The following DCC variants were observed in gnomAD, a reference collection of about 807,000 sequenced individuals.
DCC encodes netrin receptor DCC.
A neutral mutation model predicts 172.5 loss-of-function variants in DCC; 58 were observed. The ratio of observed to expected loss-of-function variants is 0.34; its 90% CI spans 0.27 to 0.42. DCC has a LOEUF of 0.42. DCC is among the 10% of genes least tolerant of loss of function. The pLI, the probability that DCC is intolerant of heterozygous loss-of-function variation, is 1.00. For synonymous variants in DCC, 709 were observed against 644.5 expected (o/e 1.10, Z -1.52); for missense variants, 1,740 against 1,791.0 (o/e 0.97, Z 0.51).
chr18:53,169,130 T>A (rs1403205897), intron 8 of DCC, among the ~76,000 whole-genome samples: 2 of 152,232 alleles, frequency 1.3e-5, no homozygotes, highest in Admixed American at 1.3e-4. Context: ...GTGCATCGCA[T>A]GTTGCCATGC....
At chr18:53,241,646 C>G (rs2056296568) in intron 12 of DCC, among the ~76,000 whole-genome samples, 1 of 152,112 alleles carries the variant, frequency 6.6e-6, no homozygotes, top group Admixed American at 6.6e-5. Flanking sequence ...AAGGCCCAGA[C>G]AAAGAACCTC....
chr18:53,292,625 C>A (rs1484801700), intron 12 of DCC, among the ~76,000 whole-genome samples: 1 of 152,060 alleles, frequency 6.6e-6, no homozygotes, highest in Non-Finnish European at 1.5e-5. Context: ...GGAGGTGGAG[C>A]TTGCAGTGAG....
intron 1 of DCC, among the ~76,000 whole-genome samples, chr18:52,463,684 T>C (rs1166411891): frequency 6.6e-6 from 1 of 152,314 alleles, no homozygotes; most frequent in East Asian, 1.9e-4. Context: ...GAGGATTAAC[T>C]GGACTGGCAT....
chr18:53,450,445 A>T, intron 22 of DCC, 55 bp from the exon 23 acceptor site: 2 of 1,600,650 alleles, frequency 1.2e-6, no homozygotes, highest in South Asian at 2.2e-5. Context: ...AGAGCTTGGT[A>T]AAACTTCTGC....
At chr18:52,777,840 T>G (rs1355401506) in intron 2 of DCC, among the ~76,000 whole-genome samples, 1 of 152,124 alleles carries the variant, frequency 6.6e-6, no homozygotes, top group Non-Finnish European at 1.5e-5. Context: ...AAGGCAAATT[T>G]TTTTAAGTAA....
chr18:52,704,980 A>T (rs1489359113), intron 1 of DCC, among the ~76,000 whole-genome samples: 1 of 152,080 alleles, frequency 6.6e-6, no homozygotes, highest in African/African-American at 2.4e-5. Context: ...TCTTAATATG[A>T]AGCTTTGGGG....
At chr18:52,713,136 T>C (rs1305238364) in intron 1 of DCC, among the ~76,000 whole-genome samples, 1 of 152,224 alleles carries the variant, frequency 6.6e-6, no homozygotes, top group African/African-American at 2.4e-5. Context: ...CTTGTCCAAG[T>C]TGATGTTCAA....
At position 52,923,828 on chromosome 18, in the gene DCC, G is replaced by A; in HGVS notation, c.819G>A (p.Trp273Ter). 1 of 1,613,374 alleles carries A rather than the reference G, an allele frequency of 6.2e-7. No homozygotes were observed. Residue 273 changes from tryptophan to a stop codon, truncating the protein, a stop_gained, in exon 4 of 29, where the codon TGG becomes TGA. Coordinates refer to ENST00000442544, the MANE Select transcript of DCC (RefSeq NM_005215.4). LOFTEE classifies it high-confidence loss of function. ...VSGYPPPSFT[W>*]LRGEEVIQLR... ...GCTATCCTCCACCAAGTTTTACCTG[G>A]TTACGAGGCGAGGAAGTCATCCAAC... is the stretch of plus-strand genomic sequence containing the variant.
chr18:52,891,738 A>G (rs1022345827), intron 2 of DCC, among the ~76,000 whole-genome samples: 2 of 152,128 alleles, frequency 1.3e-5, no homozygotes, highest in African/African-American at 4.8e-5. Context: ...AACATATTCA[A>G]CATTCAATAG....
chr18:52,376,005 A>G (rs910452986), intron 1 of DCC, among the ~76,000 whole-genome samples: 5 of 152,230 alleles, frequency 3.3e-5, no homozygotes, highest in Non-Finnish European at 7.3e-5. Flanking sequence ...ACAACACTAC[A>G]TGCTAGCCCG....
chr18:52,825,535 T>A (rs1167608523), intron 2 of DCC, among the ~76,000 whole-genome samples: 1 of 152,180 alleles, frequency 6.6e-6, no homozygotes, highest in Non-Finnish European at 1.5e-5. Context: ...TAGTATATAA[T>A]GGAAATTACC....
chr18:53,036,373 T>G (rs1022245342), intron 5 of DCC, among the ~76,000 whole-genome samples: 45 of 151,974 alleles, frequency 3.0e-4, no homozygotes, highest in African/African-American at 1.1e-3. Flanking sequence ...CAACACTAGG[T>G]GAATAGAGAA....
intron 1 of DCC, among the ~76,000 whole-genome samples, chr18:52,683,676 C>G (rs2035785325): frequency 6.6e-6 from 1 of 152,102 alleles, no homozygotes; most frequent in African/African-American, 2.4e-5. Context: ...TTTGAACTCT[C>G]AGAGAAGCTT....
chr18:52,360,769 A>C (rs1179999831), intron 1 of DCC, among the ~76,000 whole-genome samples: 1 of 152,196 alleles, frequency 6.6e-6, no homozygotes, highest in African/African-American at 2.4e-5. Flanking sequence ...TTTGGGGAGG[A>C]CAATTTTGCT....
intron 15 of DCC, among the ~76,000 whole-genome samples, chr18:53,363,060 A>T (rs560766944): frequency 6.6e-6 from 1 of 152,304 alleles, no homozygotes; most frequent in South Asian, 2.1e-4. Context: ...ACTTCAAGTT[A>T]AACTGAGGCT....
At chr18:52,405,861 G>C (rs1283290983) in intron 1 of DCC, among the ~76,000 whole-genome samples, 7 of 151,420 alleles carry the variant, frequency 4.6e-5, no homozygotes, top group Non-Finnish European at 8.9e-5. Flanking sequence ...CCTGCATCGC[G>C]AAGTCAATCC....
chr18:52,881,530 A>G (rs1401935124), intron 2 of DCC, among the ~76,000 whole-genome samples: 2 of 152,124 alleles, frequency 1.3e-5, no homozygotes, highest in Non-Finnish European at 2.9e-5. Flanking sequence ...GTATATGGCA[A>G]GAGATAAGTG....
At chr18:52,953,706 C>G (rs1306420020) in intron 5 of DCC, among the ~76,000 whole-genome samples, 1 of 152,182 alleles carries the variant, frequency 6.6e-6, no homozygotes, top group East Asian at 1.9e-4. Flanking sequence ...GTCAGCTTAA[C>G]CAAACATTTC....
intron 5 of DCC, among the ~76,000 whole-genome samples, chr18:52,973,949 T>C (rs919265292): frequency 6.6e-6 from 1 of 152,150 alleles, no homozygotes; most frequent in Non-Finnish European, 1.5e-5. Context: ...CACACTCATG[T>C]CCTGTTGTAT....
Sources: allele counts gnomAD v4.1 joint callset (sites outside exome capture counted in the v4.1 genomes callset), GRCh38; gene constraint gnomAD v4.1.1; transcripts MANE v1.5; gene names NCBI Gene and HGNC (gene_info 2026-07-23, HGNC 2026-07-21).